The following DAPK1 variants were observed in gnomAD, a reference collection of about 807,000 sequenced individuals.
The protein encoded by DAPK1 is death associated protein kinase 1.
Under a neutral mutation model 144.9 loss-of-function variants are expected in DAPK1, and 56 were observed. The observed-to-expected ratio is 0.39, with a 90% confidence interval of 0.31 to 0.48. The LOEUF is 0.48. Among genes scored for constraint, DAPK1 ranks in the 20% least tolerant of loss-of-function variants. DAPK1 has a pLI of 0.95. For synonymous variants in DAPK1, 690 were observed against 749.0 expected, an observed-to-expected ratio of 0.92 and a Z score of 1.29; for missense variants, 1,454 against 1,875.4, an observed-to-expected ratio of 0.78 and a Z score of 4.15.
Position 87,686,337 on chromosome 9 carries a change from G to T in DAPK1, c.2225-214G>T, listed in dbSNP as rs960178815. On this transcript the variant is annotated intron_variant, in intron 20 of 25. Coordinates refer to ENST00000408954, the MANE Select transcript of DAPK1 (RefSeq NM_004938.4). The surrounding 1 kb of genome is among the most constrained non-coding windows in gnomAD (Gnocchi z 4.2). ...CCGGGCAACAGGGCGGGGCAGAAAA[G>T]GTTGTGGGGAGGTAGAGCAAGCGGA... Among the ~76,000 whole-genome samples the T allele has an allele frequency of 2.0e-5, 3 of 152,164 alleles. No homozygotes were observed. The highest frequency in any genetic ancestry group is 1.9e-4 in the East Asian group (1 of 5,176).
intron 2 of DAPK1, among the ~76,000 whole-genome samples, chr9:87,603,765 C>T (rs376865843): frequency 1.3e-5 from 2 of 152,108 alleles, no homozygotes; most frequent in Non-Finnish European, 2.9e-5. Flanking sequence ...AGCATGGGGC[C>T]GGGAGGGTCT....
In DAPK1 at chr9:87,640,284, T is replaced by G. The variant is rs1205260846; in HGVS notation, c.630-14T>G. 3.1e-6 allele frequency: 5 copies of G among 1,610,292 alleles called. No homozygotes were observed. Among genetic ancestry groups the G allele is most frequent in the Non-Finnish European group, 4.2e-6 (5 of 1,178,352 alleles). On this transcript the variant is annotated splice_polypyrimidine_tract_variant and intron_variant, in intron 7 of 25. Coordinates refer to ENST00000408954, the MANE Select transcript of DAPK1 (RefSeq NM_004938.4). ...TCATCATTAATGTTCTATGCCCAAC[T>G]TTATTTTTAACAGCCTAAGTGGGGC...
intron 2 of DAPK1, among the ~76,000 whole-genome samples, chr9:87,591,987 C>T (rs148428062): frequency 5.3e-4 from 81 of 152,338 alleles, no homozygotes; most frequent in African/African-American, 1.8e-3. Context: ...ATCCCTGCTT[C>T]CCTGGTAGAC....
intron 2 of DAPK1, among the ~76,000 whole-genome samples, chr9:87,589,495 C>T (rs1038003663): frequency 6.6e-6 from 1 of 152,044 alleles, no homozygotes; most frequent in African/African-American, 2.4e-5. Flanking sequence ...ACACCATCAG[C>T]AGGGAGATTA....
chr9:87,690,601 AG>A (rs1425446919), intron 21 of DAPK1, among the ~76,000 whole-genome samples: 1 of 152,072 alleles, frequency 6.6e-6, no homozygotes, highest in Non-Finnish European at 1.5e-5. Flanking sequence ...CAGATCTTAA[AG>A]GAAAAGCATT....
intron 2 of DAPK1, among the ~76,000 whole-genome samples, chr9:87,523,302 GTTTA>G (rs1408680557): frequency 6.6e-6 from 1 of 152,120 alleles, no homozygotes; most frequent in East Asian, 1.9e-4. Flanking sequence ...ACCGCTCTGA[GTTTA>G]TTTGTTTTGA....
intron 18 of DAPK1, among the ~76,000 whole-genome samples, chr9:87,664,906 C>T (rs1166529519): frequency 6.6e-6 from 1 of 152,224 alleles, no homozygotes; most frequent in Non-Finnish European, 1.5e-5. Flanking sequence ...ACATCAGCCC[C>T]ATGAGCTTCC....
At chr9:87,524,196 G>A (rs1002331506) in intron 2 of DAPK1, among the ~76,000 whole-genome samples, 2 of 152,196 alleles carry the variant, frequency 1.3e-5, no homozygotes, top group Non-Finnish European at 2.9e-5. Context: ...GGGGGAAGGG[G>A]TGCCTGTTTC....
At chr9:87,592,607 A>T (rs1026257940) in intron 2 of DAPK1, among the ~76,000 whole-genome samples, 6 of 152,174 alleles carry the variant, frequency 3.9e-5, no homozygotes, top group African/African-American at 1.4e-4. Flanking sequence ...AGTTAACGCC[A>T]TCAGTCTCTT....
At chr9:87,562,920 CT>C (rs1826983893) in intron 2 of DAPK1, among the ~76,000 whole-genome samples, 1 of 152,244 alleles carries the variant, frequency 6.6e-6, no homozygotes, top group East Asian at 1.9e-4. Flanking sequence ...ACTTGCTCAG[CT>C]TTTTTATAGA....
At chr9:87,666,477 GTTT>G (rs71354777) in intron 18 of DAPK1, among the ~76,000 whole-genome samples, 1 of 139,982 alleles carries the variant, frequency 7.1e-6, no homozygotes. Flanking sequence ...TTTTGTTTTT[GTTT>G]TTTTTTTTTT....
chr9:87,698,795 G>C lies in DAPK1; in HGVS notation c.2750+1G>C, dbSNP rs1214568970. On this transcript the variant is annotated splice_donor_variant, in intron 23 of 25. Coordinates refer to ENST00000408954, the MANE Select transcript of DAPK1 (RefSeq NM_004938.4). LOFTEE classifies it high-confidence loss of function. ...CGTTGCTGAAAGAGATTAGGAACAG[G>C]TGAGGGGCAGCCACTTAGTCTCCAG... The C allele has an allele frequency of 6.3e-7, 1 of 1,598,312 alleles. No homozygotes were observed. Among genetic ancestry groups the C allele is most frequent in the Non-Finnish European group, 8.6e-7 (1 of 1,165,792 alleles).
intron 2 of DAPK1, among the ~76,000 whole-genome samples, chr9:87,527,078 G>A (rs1424335462): frequency 1.3e-5 from 2 of 152,204 alleles, no homozygotes; most frequent in Admixed American, 6.5e-5. Flanking sequence ...ATTGTTAATT[G>A]TGATTATTTA....
At chr9:87,678,656 G>A (rs547747170) in intron 19 of DAPK1, among the ~76,000 whole-genome samples, 17 of 152,338 alleles carry the variant, frequency 1.1e-4, no homozygotes, top group South Asian at 4.1e-4. Context: ...ATGTAGTTAA[G>A]TTCTCAGCTC....
chr9:87,567,724 C>T (rs1827179301), intron 2 of DAPK1, among the ~76,000 whole-genome samples: 2 of 152,102 alleles, frequency 1.3e-5, no homozygotes, highest in African/African-American at 4.8e-5. Context: ...AGGGCTACCA[C>T]CTGGATTCCT....
Position 87,647,289 on chromosome 9 carries a change from G to T in DAPK1, c.1231-16G>T, listed in dbSNP as rs370914815. ...CAGCTCCCTAGAAATGTGACCCCAG[G>T]TTGATTTTCCTGCAGGGCGGGTCCA... On this transcript the variant is annotated splice_polypyrimidine_tract_variant and intron_variant, in intron 13 of 25. Transcript: ENST00000408954. 1 of 1,610,594 alleles carries T rather than the reference G, an allele frequency of 6.2e-7. No individual in the cohort carries two copies. The highest frequency in any genetic ancestry group is 8.5e-7 in the Non-Finnish European group (1 of 1,176,962).
intron 3 of DAPK1, among the ~76,000 whole-genome samples, chr9:87,611,870 C>T (rs1828943930): frequency 6.6e-6 from 1 of 152,244 alleles, no homozygotes; most frequent in South Asian, 2.1e-4. Flanking sequence ...AGGCTGTGCT[C>T]CCCAAAAAGG....
chr9:87,515,311 G>A (rs889971028), intron 2 of DAPK1, among the ~76,000 whole-genome samples: 2 of 152,154 alleles, frequency 1.3e-5, no homozygotes, highest in African/African-American at 2.4e-5. Context: ...ATAAAAACAG[G>A]CAATGGTCTG....
chr9:87,704,638 G>T (rs980516738), intron 25 of DAPK1, among the ~76,000 whole-genome samples: 1 of 152,222 alleles, frequency 6.6e-6, no homozygotes, highest in African/African-American at 2.4e-5. Context: ...TCTTTCCTGA[G>T]CCTGAGGCGA....
Sources: gnomAD v4.1 joint callset for allele counts (sites outside exome capture counted in the v4.1 genomes callset) on GRCh38, gnomAD v4.1.1 for gene constraint, Gnocchi (gnomAD v3.1) non-coding constraint, MANE v1.5 for transcripts, NCBI Gene and HGNC (gene_info 2026-07-23, HGNC 2026-07-21) for gene names.